SHLD1: variants seen among roughly 807,000 people sequenced by gnomAD.
SHLD1 encodes shieldin complex subunit 1, also known as RINN1-REV7-interacting novel NHEJ regulator 3.
In SHLD1, 3 loss-of-function variants were observed where a neutral mutation model predicts 5.5. The observed-to-expected ratio is 0.54, with a 90% CI of 0.25 to 1.40. SHLD1 has a LOEUF of 1.40. Among genes scored for constraint, SHLD1 ranks in the 40% most tolerant of loss-of-function variants. The probability of loss-of-function intolerance (pLI) is 0.15; values close to 1 mark genes in which losing one functional copy is unlikely to be tolerated. For missense variants in SHLD1, 210 were observed against 244.4 expected (o/e 0.86, Z 0.94); for synonymous variants, 92 against 94.3 (o/e 0.98, Z 0.14).
chr20:5,850,081 C>T (rs994960950), intron 2 of SHLD1, among the ~76,000 whole-genome samples: 2 of 148,046 alleles, frequency 1.4e-5, no homozygotes, highest in African/African-American at 4.9e-5. Flanking sequence ...GAATTCAAGA[C>T]CAGCCTGGGC....
At chr20:5,821,064 C>A (rs1151950) in intron 2 of SHLD1, among the ~76,000 whole-genome samples, 24,627 of 152,152 alleles carry the variant, frequency 0.16, 2,570 homozygotes, top group Non-Finnish European at 0.22. Flanking sequence ...AACTTCTAGT[C>A]CTGTGGAAAA....
At chr20:5,830,780 G>A (rs2087720332) in intron 2 of SHLD1, among the ~76,000 whole-genome samples, 1 of 151,874 alleles carries the variant, frequency 6.6e-6, no homozygotes, top group Admixed American at 6.6e-5. Flanking sequence ...GGTCTTCTGG[G>A]GTTCTGGTGC....
chr20:5,825,318 A>T (rs770086634), intron 2 of SHLD1, among the ~76,000 whole-genome samples: 7 of 152,238 alleles, frequency 4.6e-5, no homozygotes, highest in African/African-American at 7.2e-5. Flanking sequence ...CTGTTATTGA[A>T]TGCCCACTGG....
At chr20:5,851,735 T>C (rs1344312393) in intron 2 of SHLD1, among the ~76,000 whole-genome samples, 1 of 152,086 alleles carries the variant, frequency 6.6e-6, no homozygotes, top group Admixed American at 6.6e-5. Context: ...GATATATATT[T>C]GATATCGTTT....
chr20:5,774,219 AAACAAAC>A (rs1402498332), intron 2 of SHLD1, among the ~76,000 whole-genome samples: 5 of 152,122 alleles, frequency 3.3e-5, no homozygotes, highest in African/African-American at 1.2e-4. Context: ...AAAAAACAAA[AAACAAAC>A]AACAACAAAA....
intron 2 of SHLD1, among the ~76,000 whole-genome samples, chr20:5,786,727 C>G (rs1482852921): frequency 6.6e-6 from 1 of 152,208 alleles, no homozygotes; most frequent in African/African-American, 2.4e-5. Flanking sequence ...GACAGACAGG[C>G]CTTGCTGGGC....
intron 2 of SHLD1, among the ~76,000 whole-genome samples, chr20:5,844,673 A>G (rs1213241655): frequency 3.3e-5 from 5 of 151,466 alleles, no homozygotes; most frequent in African/African-American, 7.3e-5. Context: ...GGCAGTAGCT[A>G]TTGGTAAGGC....
chr20:5,755,322 CAGT>C (rs1018460022), intron 1 of SHLD1, among the ~76,000 whole-genome samples: 1 of 152,128 alleles, frequency 6.6e-6, no homozygotes, highest in African/African-American at 2.4e-5. Context: ...CCTGTTACAT[CAGT>C]GGTGGTATTA....
intron 2 of SHLD1, among the ~76,000 whole-genome samples, chr20:5,781,106 G>A (rs1327535824): frequency 6.6e-6 from 1 of 152,176 alleles, no homozygotes; most frequent in Non-Finnish European, 1.5e-5. Flanking sequence ...CTGGCCTGAA[G>A]TTCCCACCCA....
intron 2 of SHLD1, among the ~76,000 whole-genome samples, chr20:5,829,882 A>G (rs948652315): frequency 3.4e-5 from 1 of 29,770 alleles, no homozygotes; most frequent in African/African-American, 9.3e-5. Context: ...CTTCTTTAGG[A>G]AAAAAAAACA....
chr20:5,785,796 CA>C (rs34293571), intron 2 of SHLD1, among the ~76,000 whole-genome samples: 555 of 82,276 alleles, frequency 6.7e-3, no homozygotes, highest in African/African-American at 0.01. Flanking sequence ...ACTCCGTCTC[CA>C]AAAAAAAAAA....
chr20:5,791,267 T>C (rs933935991), intron 2 of SHLD1, among the ~76,000 whole-genome samples: 14 of 150,850 alleles, frequency 9.3e-5, no homozygotes, highest in Non-Finnish European at 1.5e-4. Flanking sequence ...ATAAAAGTTA[T>C]AAAAAGAAGC....
chr20:5,832,239 C>A (rs960833730), intron 2 of SHLD1, among the ~76,000 whole-genome samples: 1 of 152,210 alleles, frequency 6.6e-6, no homozygotes, highest in Non-Finnish European at 1.5e-5. Flanking sequence ...CTGCGCTGGG[C>A]CTCTCTTCAT....
At chr20:5,778,598 C>A (rs1258363463) in intron 2 of SHLD1, among the ~76,000 whole-genome samples, 4 of 143,666 alleles carry the variant, frequency 2.8e-5, no homozygotes, top group African/African-American at 5.5e-5. Context: ...CAGAGCAAGA[C>A]CTTGTCAAAA....
chr20:5,763,242 G>A (rs183058232), intron 1 of SHLD1, among the ~76,000 whole-genome samples: 41 of 138,328 alleles, frequency 3.0e-4, no homozygotes, highest in African/African-American at 1.1e-3. Context: ...GGAGGCGGAG[G>A]TTGCGCCATT....
intron 2 of SHLD1, among the ~76,000 whole-genome samples, chr20:5,844,784 TATATA>T: frequency 9.7e-6 from 1 of 103,332 alleles, no homozygotes; most frequent in African/African-American, 5.1e-5. Flanking sequence ...TATATATATA[TATATA>T]TATATATATA....
intron 2 of SHLD1, among the ~76,000 whole-genome samples, chr20:5,812,167 A>G (rs531680306): frequency 6.6e-6 from 1 of 151,452 alleles, no homozygotes; most frequent in South Asian, 2.1e-4. Context: ...TATCTCCACA[A>G]ATCTATTAGC....
rs114363422 is a variant in SHLD1, at chr20:5,849,657, G to T, written c.179-13367G>T. On this transcript the variant is annotated intron_variant, in intron 2 of 2. Coordinates refer to ENST00000303142, the MANE Select transcript of SHLD1 (RefSeq NM_152504.4). ...GGCCCTCTAGAAAATGAAAAGGGGT[G>T]CCATTAATAATTCATTGAGGGGCCG... 7.5e-3 allele frequency among the ~76,000 whole-genome samples: 1,140 copies of T among 152,272 alleles called. 17 individuals carry two copies. Among genetic ancestry groups the T allele is most frequent in the African/African-American group, 0.025 (1,059 of 41,548 alleles).
At chr20:5,861,585 C>G (rs1189436033) in intron 2 of SHLD1, among the ~76,000 whole-genome samples, 1 of 152,186 alleles carries the variant, frequency 6.6e-6, no homozygotes, top group Non-Finnish European at 1.5e-5. Context: ...TCCGGATAAT[C>G]TATTTCTCTG....
Sources: allele counts gnomAD v4.1 joint callset (sites outside exome capture counted in the v4.1 genomes callset), GRCh38; gene constraint gnomAD v4.1.1; transcripts MANE v1.5; gene names NCBI Gene and HGNC (gene_info 2026-07-23, HGNC 2026-07-21).